ANTXR1: variants seen among roughly 807,000 people sequenced by gnomAD.
ANTXR1 encodes ANTXR cell adhesion molecule 1, also known as anthrax toxin receptor 1.
Under a neutral mutation model 78.1 loss-of-function variants are expected in ANTXR1, and 19 were observed. The ratio of observed to expected loss-of-function variants is 0.24; its 90% CI spans 0.17 to 0.36. The LOEUF (loss-of-function observed/expected upper bound fraction) is 0.36. ANTXR1 is among the 10% of genes least tolerant of loss of function. ANTXR1 has a pLI of 1.00. For synonymous variants in ANTXR1, 273 were observed against 260.5 expected, an observed-to-expected ratio of 1.05 and a Z score of -0.46; for missense variants, 518 against 718.6, an observed-to-expected ratio of 0.72 and a Z score of 3.19.
chr2:69,149,240 C>G (rs1673322104), intron 12 of ANTXR1, among the ~76,000 whole-genome samples: 2 of 152,164 alleles, frequency 1.3e-5, no homozygotes, highest in South Asian at 2.1e-4. Context: ...CCTGAGCCCC[C>G]CGGCTGTCCT....
chr2:69,016,773 A>C (rs1671038592), intron 1 of ANTXR1, among the ~76,000 whole-genome samples: 1 of 152,238 alleles, frequency 6.6e-6, no homozygotes, highest in South Asian at 2.1e-4. Context: ...TCTGTACTGA[A>C]CATACATTAC....
intron 15 of ANTXR1, among the ~76,000 whole-genome samples, 172 bp from the exon 16 acceptor site, chr2:69,182,321 G>T (rs1674295862): frequency 6.6e-6 from 1 of 152,102 alleles, no homozygotes; most frequent in Non-Finnish European, 1.5e-5. Context: ...TGCTCCTTTG[G>T]TCCTCCCCTT....
intron 10 of ANTXR1, among the ~76,000 whole-genome samples, chr2:69,117,743 C>T (rs1672197007): frequency 6.6e-6 from 1 of 152,190 alleles, no homozygotes; most frequent in African/African-American, 2.4e-5. Context: ...ATGCTTTGTA[C>T]TTGAATGCGA....
intron 6 of ANTXR1, 28 bp downstream of exon 6, chr2:69,073,129 CAT>C: frequency 1.2e-6 from 2 of 1,607,136 alleles, no homozygotes; most frequent in Non-Finnish European, 1.7e-6. Context: ...TGTGTCTAAA[CAT>C]ATACATGGAA....
chr2:69,062,855 A>G (rs1287396731), intron 3 of ANTXR1, among the ~76,000 whole-genome samples: 2 of 152,114 alleles, frequency 1.3e-5, no homozygotes, highest in East Asian at 1.9e-4. Flanking sequence ...AATGGGGGGG[A>G]AGATATGGGT....
intron 9 of ANTXR1, among the ~76,000 whole-genome samples, chr2:69,102,516 A>G (rs532139637): frequency 6.6e-6 from 1 of 152,358 alleles, no homozygotes; most frequent in Admixed American, 6.5e-5. Flanking sequence ...ACAGATTTTC[A>G]AACTGCCTGG....
chr2:69,198,564 TGTCCAAA>T (rs1674710131), intron 17 of ANTXR1, among the ~76,000 whole-genome samples: 1 of 152,232 alleles, frequency 6.6e-6, no homozygotes, highest in Non-Finnish European at 1.5e-5. Flanking sequence ...ATGTAATATA[TGTCCAAA>T]GTTTTTTCTA....
chr2:69,171,773 C>G (rs1330757964), intron 14 of ANTXR1, among the ~76,000 whole-genome samples: 1 of 152,102 alleles, frequency 6.6e-6, no homozygotes, highest in Non-Finnish European at 1.5e-5. Context: ...GATGAAGGAC[C>G]CAGCAACACA....
Position 69,094,567 on chromosome 2 carries a change from T to C in ANTXR1, c.703+3648T>C, listed in dbSNP as rs536860193. ...TTCCCTTCACTCTGTGAATTCCTTC[T>C]TTTCCTTGGCCCCTAGAACAGCCCC... On this transcript the variant is annotated intron_variant, in intron 9 of 17. Transcript: ENST00000303714. Among the ~76,000 whole-genome samples, 14 of 152,330 alleles carry C rather than the reference T, an allele frequency of 9.2e-5. 2 individuals carry two copies. The South Asian group carries it at 2.9e-3, about 32-fold the overall frequency.
intron 14 of ANTXR1, among the ~76,000 whole-genome samples, chr2:69,170,601 T>G (rs1198128094): frequency 6.6e-6 from 1 of 152,216 alleles, no homozygotes; most frequent in Non-Finnish European, 1.5e-5. Flanking sequence ...AGATACTGAC[T>G]TTTCCTCTCA....
At chr2:69,018,338 A>G (rs1220672128) in intron 1 of ANTXR1, among the ~76,000 whole-genome samples, 7 of 152,108 alleles carry the variant, frequency 4.6e-5, no homozygotes, top group Admixed American at 4.6e-4. Flanking sequence ...CCAGAGTTCC[A>G]ACCACAGCAC....
chr2:69,145,687 C>T, intron 12 of ANTXR1: 1 of 1,133,234 alleles, frequency 8.8e-7, no homozygotes, highest in Non-Finnish European at 1.1e-6. Context: ...TTCACAGTTT[C>T]TTTATTTTGA....
chr2:69,112,952 C>T (rs1187000781), intron 10 of ANTXR1, among the ~76,000 whole-genome samples: 1 of 152,140 alleles, frequency 6.6e-6, no homozygotes, highest in African/African-American at 2.4e-5. Context: ...AACTAGGTGG[C>T]AAGGTTTTCA....
intron 17 of ANTXR1, among the ~76,000 whole-genome samples, chr2:69,199,299 C>T (rs891563269): frequency 2.6e-5 from 4 of 152,180 alleles, no homozygotes; most frequent in Non-Finnish European, 4.4e-5. Context: ...TGCTGCTGGT[C>T]TGGGGATTAC....
intron 13 of ANTXR1, among the ~76,000 whole-genome samples, chr2:69,168,177 T>A (rs1319512181): frequency 6.6e-6 from 1 of 152,110 alleles, no homozygotes; most frequent in African/African-American, 2.4e-5. Flanking sequence ...GCATTTAGTA[T>A]ATGCAGGGGG....
intron 8 of ANTXR1, chr2:69,090,588 G>A (rs191916596): frequency 4.9e-4 from 252 of 515,004 alleles, no homozygotes; most frequent in African/African-American, 4.4e-3. Context: ...ACTAGGACTG[G>A]CATAGCATAG....
intron 9 of ANTXR1, among the ~76,000 whole-genome samples, chr2:69,097,707 T>C (rs1671477897): frequency 6.6e-6 from 1 of 152,180 alleles, no homozygotes; most frequent in Non-Finnish European, 1.5e-5. Flanking sequence ...ACACCTACCA[T>C]ATGGCCCAGC....
At position 69,022,904 on chromosome 2, in the gene ANTXR1, G is replaced by A. The variant is rs542469317; in HGVS notation, c.152+9253G>A. Among the ~76,000 whole-genome samples the A allele has an allele frequency of 1.8e-4, 27 of 152,340 alleles. No homozygotes were observed. In the South Asian group the frequency reaches 4.8e-3, roughly 27 times the overall value. ...AGAGCAAAGGTCACTGAGAGGCCAT[G>A]TTTTGCCCTTCAGTGTTGCCAGGTC... On this transcript the variant is annotated intron_variant, in intron 1 of 17. Transcript: ENST00000303714.
chr2:69,047,311 A>G (rs1420029599), intron 3 of ANTXR1, among the ~76,000 whole-genome samples: 1 of 152,204 alleles, frequency 6.6e-6, no homozygotes, highest in African/African-American at 2.4e-5. Flanking sequence ...GTGTTAAGAT[A>G]TAGTAAAGAA....
Sources: gnomAD v4.1 joint callset for allele counts (sites outside exome capture counted in the v4.1 genomes callset) on GRCh38, gnomAD v4.1.1 for gene constraint, MANE v1.5 for transcripts, NCBI Gene and HGNC (gene_info 2026-07-23, HGNC 2026-07-21) for gene names.